Variants in OPRM1 observed in about 807,000 individuals in gnomAD.
OPRM1 encodes the protein mu-type opioid receptor.
A neutral mutation model predicts 31.8 loss-of-function variants in OPRM1; 27 were observed. The observed-to-expected ratio is 0.85, with a 90% CI of 0.63 to 1.17. The LOEUF (loss-of-function observed/expected upper bound fraction) is 1.17. Ranked by LOEUF, OPRM1 falls within the 50% of genes most tolerant of loss-of-function variation. The pLI, the probability that OPRM1 is intolerant of heterozygous loss-of-function variation, is 0.00. For missense variants in OPRM1, 536 were observed against 511.1 expected (o/e 1.05, Z -0.47); for synonymous variants, 196 against 189.9 (o/e 1.03, Z -0.26).
intron 3 of OPRM1, chr6:154,157,284 C>G (rs963561484): frequency 6.6e-6 from 1 of 152,302 alleles, no homozygotes; most frequent in Non-Finnish European, 1.5e-5. Context: ...CTCACAGAAG[C>G]AGCCCTACTT....
At chr6:154,018,856 T>G (rs1351130271) in intron 1 of OPRM1, among the ~76,000 whole-genome samples, 1 of 152,200 alleles carries the variant, frequency 6.6e-6, no homozygotes, top group Non-Finnish European at 1.5e-5. Context: ...GGAACCTCAC[T>G]TGCACCTGTA....
At chr6:154,064,407 G>C (rs1466308557) in intron 1 of OPRM1, among the ~76,000 whole-genome samples, 1 of 152,050 alleles carries the variant, frequency 6.6e-6, no homozygotes, top group African/African-American at 2.4e-5. Flanking sequence ...TCAGATATAT[G>C]ATTTCCAAAT....
At chr6:154,158,992 T>A (rs1185452396) in intron 3 of OPRM1, 1 of 152,300 alleles carries the variant, frequency 6.6e-6, no homozygotes, top group East Asian at 1.9e-4. Flanking sequence ...GAAACCTGGA[T>A]ATAAATTCAC....
rs530971452 is a variant in OPRM1 at position 154,058,101 on chromosome 6, T to C, written c.290+18267T>C. Among the ~76,000 whole-genome samples the C allele has an allele frequency of 3.4e-4, 52 of 152,300 alleles. 1 individual carries two copies. The highest frequency in any genetic ancestry group is 1.2e-3 in the African/African-American group (51 of 41,564). Reference sequence around the variant, plus strand: ...AACATATAAAGCACACCAGTGATCATTTCCACAGGAGTATTATTTTCTCAG... The same window carrying C: ...AACATATAAAGCACACCAGTGATCACTTCCACAGGAGTATTATTTTCTCAG... On this transcript the variant is annotated intron_variant, in intron 1 of 3. Transcript: ENST00000330432.
chr6:154,140,194 A>G (rs1798160936), intron 3 of OPRM1, among the ~76,000 whole-genome samples: 1 of 152,124 alleles, frequency 6.6e-6, no homozygotes, highest in Non-Finnish European at 1.5e-5. Flanking sequence ...CAACAAAAGA[A>G]CCACAGCTTT....
chr6:154,018,083 G>A (rs546382952), intron 1 of OPRM1, among the ~76,000 whole-genome samples: 3 of 152,140 alleles, frequency 2.0e-5, no homozygotes, highest in South Asian at 2.1e-4. Flanking sequence ...ATGCAGCTGC[G>A]GGCACTCAGG....
chr6:154,107,517 G>T, intron 3 of OPRM1: 2 of 718,592 alleles, frequency 2.8e-6, no homozygotes, highest in Admixed American at 4.0e-5. Flanking sequence ...TGGCCACTGA[G>T]CTACAATGCA....
At position 154,091,482 on chromosome 6, in the gene OPRM1, C is replaced by G. The variant is rs1314483371; in HGVS notation, c.1164+10C>G. ...TAGAACTAATCATCAGGTACGCAGTCTCTAGAATTAGGTATATCTACTGGG... is the reference window on the plus strand; with the variant it reads ...TAGAACTAATCATCAGGTACGCAGTGTCTAGAATTAGGTATATCTACTGGG... On this transcript the variant is annotated intron_variant, in intron 3 of 3. Coordinates refer to ENST00000330432, the MANE Select transcript of OPRM1 (RefSeq NM_000914.5). 1 of 1,603,484 alleles carries G rather than the reference C, an allele frequency of 6.2e-7. No individual in the cohort carries two copies. Among genetic ancestry groups the G allele is most frequent in the East Asian group, 2.2e-5 (1 of 44,842 alleles).
At chr6:154,112,304 G>A (rs1464199217) in intron 3 of OPRM1, among the ~76,000 whole-genome samples, 1 of 152,146 alleles carries the variant, frequency 6.6e-6, no homozygotes, top group African/African-American at 2.4e-5. Context: ...ACAATTTTAT[G>A]GGTGCTAGAA....
At chr6:154,069,488 C>T (rs56797360) in intron 1 of OPRM1, among the ~76,000 whole-genome samples, 2,023 of 152,292 alleles carry the variant, frequency 0.013, 52 homozygotes, top group African/African-American at 0.047. Context: ...CTGCCCACCT[C>T]GGCCTCCCAA....
intron 1 of OPRM1, among the ~76,000 whole-genome samples, chr6:154,012,318 A>C (rs1777772686): frequency 6.6e-6 from 1 of 152,204 alleles, no homozygotes; most frequent in African/African-American, 2.4e-5. Context: ...TTTAATCCTC[A>C]GAAAGTAGCA....
chr6:154,090,969 C>CT lies in OPRM1; in HGVS notation c.662dup (p.Thr222AsnfsTer84). The CT allele has an allele frequency of 1.2e-6, 2 of 1,613,734 alleles. No individual in the cohort carries two copies. The highest frequency in any genetic ancestry group is 1.7e-6 in the Non-Finnish European group (2 of 1,179,802). On this transcript the variant is annotated frameshift_variant, in exon 3 of 4. Coordinates refer to ENST00000330432, the MANE Select transcript of OPRM1 (RefSeq NM_000914.5). LOFTEE classifies it high-confidence loss of function. ...TCTTCTAGGTTCCATAGATTGTACA[C>CT]TAACATTCTCTCATCCAACCTGGTA...
chr6:154,203,920 G>A (rs1777276226), intron 3 of OPRM1, among the ~76,000 whole-genome samples: 1 of 152,152 alleles, frequency 6.6e-6, no homozygotes, highest in Non-Finnish European at 1.5e-5. Flanking sequence ...CGAATCCCAG[G>A]ATCAAGGGGC....
chr6:154,061,431 T>C (rs930347438), intron 1 of OPRM1, among the ~76,000 whole-genome samples: 2 of 152,112 alleles, frequency 1.3e-5, no homozygotes, highest in African/African-American at 2.4e-5. Flanking sequence ...CCAGTGCCTA[T>C]CATGTGCTTG....
At chr6:154,087,114 C>T (rs1583458168) in intron 1 of OPRM1, 5 of 985,258 alleles carry the variant, frequency 5.1e-6, no homozygotes, top group Middle Eastern at 1.0e-3. Flanking sequence ...GAAAGTGAAA[C>T]TCCCAAAGTA....
chr6:154,228,641 G>T (rs1312148533), intron 3 of OPRM1, among the ~76,000 whole-genome samples: 1 of 152,130 alleles, frequency 6.6e-6, no homozygotes, highest in Non-Finnish European at 1.5e-5. Flanking sequence ...AAAATGGCTG[G>T]TGTTACAACA....
At chr6:154,182,411 T>G (rs1708790020) in intron 3 of OPRM1, among the ~76,000 whole-genome samples, 1 of 152,204 alleles carries the variant, frequency 6.6e-6, no homozygotes, top group Non-Finnish European at 1.5e-5. Context: ...AATCGTTTTC[T>G]GAAATAATCT....
At chr6:154,231,025 C>T (rs1779672300) in intron 3 of OPRM1, among the ~76,000 whole-genome samples, 1 of 152,166 alleles carries the variant, frequency 6.6e-6, no homozygotes, top group African/African-American at 2.4e-5. Flanking sequence ...CTCCATTTCT[C>T]CATATAAATC....
intron 3 of OPRM1, among the ~76,000 whole-genome samples, chr6:154,203,378 G>A (rs898137118): frequency 1.3e-5 from 2 of 152,150 alleles, no homozygotes; most frequent in Non-Finnish European, 2.9e-5. Context: ...GTCATTTTGT[G>A]TATCAACTTA....
Sources: allele counts gnomAD v4.1 joint callset (sites outside exome capture counted in the v4.1 genomes callset), GRCh38; gene constraint gnomAD v4.1.1; transcripts MANE v1.5; gene names NCBI Gene and HGNC (gene_info 2026-07-23, HGNC 2026-07-21).